The following CCDC141 variants were observed in gnomAD, a reference collection of about 807,000 sequenced individuals.
CCDC141 encodes coiled-coil domain-containing protein 141.
In CCDC141, 168 loss-of-function variants were observed where a neutral mutation model predicts 181.0. The observed-to-expected ratio is 0.93, with a 90% CI of 0.82 to 1.05. CCDC141 has a LOEUF of 1.05. Among genes scored for constraint, CCDC141 ranks in the 50% least tolerant of loss-of-function variants. CCDC141 has a pLI of 0.00. For missense variants in CCDC141, 1,902 were observed against 1,788.5 expected (o/e 1.06, Z -1.14); for synonymous variants, 666 against 642.3 (o/e 1.04, Z -0.56).
chr2:178,986,146 G>T (rs1327169641), intron 2 of CCDC141, among the ~76,000 whole-genome samples: 1 of 152,280 alleles, frequency 6.6e-6, no homozygotes, highest in East Asian at 1.9e-4. Context: ...TCCCTGGGAT[G>T]GAAGGCTGGT....
intron 2 of CCDC141, among the ~76,000 whole-genome samples, chr2:178,989,402 T>A (rs1265617392): frequency 1.3e-5 from 2 of 151,858 alleles, no homozygotes; most frequent in Non-Finnish European, 2.9e-5. Flanking sequence ...GAGACCAGCC[T>A]GGCCAACATG....
intron 5 of CCDC141, among the ~76,000 whole-genome samples, chr2:178,949,039 T>G (rs1007138337): frequency 5.9e-5 from 9 of 152,192 alleles, no homozygotes; most frequent in Non-Finnish European, 1.2e-4. Context: ...TTCCCACATT[T>G]TTTTTATTTG....
chr2:179,014,342 C>T (rs1307605230), intron 2 of CCDC141, among the ~76,000 whole-genome samples: 1 of 152,092 alleles, frequency 6.6e-6, no homozygotes, highest in African/African-American at 2.4e-5. Flanking sequence ...TGGAAAAACC[C>T]TTCTAGACAT....
intron 17 of CCDC141, among the ~76,000 whole-genome samples, chr2:178,857,794 A>G (rs73973171): frequency 0.11 from 16,368 of 152,214 alleles, 1,659 homozygotes; most frequent in East Asian, 0.57. Context: ...CTTTTCAATG[A>G]TAGCAAACAA....
chr2:179,020,031 C>T (rs960979276), intron 2 of CCDC141, among the ~76,000 whole-genome samples: 2 of 152,096 alleles, frequency 1.3e-5, no homozygotes, highest in African/African-American at 4.8e-5. Flanking sequence ...GCTAGGATTA[C>T]AGGCATGGAC....
At chr2:178,868,642 T>G (rs1243027358) in intron 15 of CCDC141, among the ~76,000 whole-genome samples, 1 of 128,090 alleles carries the variant, frequency 7.8e-6, no homozygotes, top group African/African-American at 2.9e-5. Flanking sequence ...AACTTGGTTT[T>G]CGCCCTCAAA....
intron 21 of CCDC141, among the ~76,000 whole-genome samples, chr2:178,847,774 C>T (rs975319565): frequency 1.4e-4 from 21 of 151,978 alleles, no homozygotes; most frequent in African/African-American, 4.8e-4. Context: ...ATCCTTAAGG[C>T]GATAGTATTA....
intron 7 of CCDC141, among the ~76,000 whole-genome samples, chr2:178,914,691 C>CTATT (rs1349399134): frequency 6.6e-6 from 1 of 152,104 alleles, no homozygotes; most frequent in Non-Finnish European, 1.5e-5. Flanking sequence ...TTGTTCTCTG[C>CTATT]TATTTATTTT....
chr2:178,963,749 A>C (rs1690503518), intron 4 of CCDC141, among the ~76,000 whole-genome samples: 1 of 152,092 alleles, frequency 6.6e-6, no homozygotes, highest in Non-Finnish European at 1.5e-5. Context: ...AATTTGAAGT[A>C]GTTTATTCCA....
At chr2:178,978,702 G>T (rs1429885914) in intron 2 of CCDC141, 27 bp from the exon 3 acceptor site, 5 of 1,468,102 alleles carry the variant, frequency 3.4e-6, no homozygotes, top group Non-Finnish European at 3.6e-6. Flanking sequence ...AAGGCATAAG[G>T]CAGGGTGTTA....
chr2:178,983,888 T>A (rs962550824), intron 2 of CCDC141, among the ~76,000 whole-genome samples: 112 of 150,320 alleles, frequency 7.5e-4, no homozygotes, highest in African/African-American at 2.7e-3. Flanking sequence ...TGGAAAACAC[T>A]CTGCAGGATA....
chr2:178,991,109 C>G (rs1692033952), intron 2 of CCDC141, among the ~76,000 whole-genome samples: 1 of 152,236 alleles, frequency 6.6e-6, no homozygotes, highest in South Asian at 2.1e-4. Context: ...TAGTTTTGCC[C>G]ACGACTGTCA....
At chr2:178,981,814 T>C (rs2154381178) in intron 2 of CCDC141, among the ~76,000 whole-genome samples, 1 of 148,598 alleles carries the variant, frequency 6.7e-6, no homozygotes, top group South Asian at 2.1e-4. Flanking sequence ...GAGGAATCAA[T>C]AAAATGAAAA....
intron 2 of CCDC141, among the ~76,000 whole-genome samples, chr2:178,996,208 G>C (rs1692281440): frequency 6.6e-6 from 1 of 151,770 alleles, no homozygotes; most frequent in Admixed American, 6.6e-5. Context: ...CTTTGGAGTA[G>C]CTGGGATTAC....
intron 4 of CCDC141, among the ~76,000 whole-genome samples, chr2:178,966,527 C>T (rs1164949423): frequency 6.6e-6 from 1 of 152,132 alleles, no homozygotes; most frequent in East Asian, 1.9e-4. Context: ...AGCAGAGGGG[C>T]CTGACTGTCA....
intron 5 of CCDC141, among the ~76,000 whole-genome samples, chr2:178,955,534 T>A (rs1043852141): frequency 6.6e-6 from 1 of 152,224 alleles, no homozygotes; most frequent in Non-Finnish European, 1.5e-5. Flanking sequence ...TAAAATTAAT[T>A]GATCTATTTA....
rs1162147522 is a variant in CCDC141 at position 179,005,624 on chromosome 2, C to T, written c.226-26949G>A. Among the ~76,000 whole-genome samples, 2 of 151,932 alleles carry T rather than the reference C, an allele frequency of 1.3e-5. 1 individual carries two copies. The highest frequency in any genetic ancestry group is 3.9e-4 in the East Asian group (2 of 5,172). On this transcript the variant is annotated intron_variant, in intron 2 of 23. Transcript: ENST00000443758. The stretch of plus-strand genomic sequence containing the variant: ...CTGCTTCAATACTGTGTTTGTGTTT[C>T]TTTCTTTCTTTTCTTTTCTTTTCTT...
rs76615398 is a variant in CCDC141, at chr2:178,859,435, C to A, written c.2725-3038G>T. Reference sequence around the variant, plus strand: ...TCACACAGCTGTTTCTAACTTTAGTCAACTTGTCAACAATGGGGAATGGCG... The same window carrying A: ...TCACACAGCTGTTTCTAACTTTAGTAAACTTGTCAACAATGGGGAATGGCG... On this transcript the variant is annotated intron_variant, in intron 17 of 23. Coordinates refer to ENST00000443758, the MANE Select transcript of CCDC141 (RefSeq NM_173648.4). 2.0e-5 allele frequency among the ~76,000 whole-genome samples: 3 copies of A among 152,178 alleles called. No homozygotes were observed. The South Asian group carries it at 6.2e-4, about 32-fold the overall frequency.
intron 2 of CCDC141, among the ~76,000 whole-genome samples, chr2:179,019,830 G>A (rs539762330): frequency 6.6e-6 from 1 of 152,186 alleles, no homozygotes; most frequent in East Asian, 1.9e-4. Context: ...GCAGTGGCAT[G>A]ATTATGGCTC....
Sources: allele counts gnomAD v4.1 joint callset (sites outside exome capture counted in the v4.1 genomes callset), GRCh38; gene constraint gnomAD v4.1.1; transcripts MANE v1.5; gene names NCBI Gene and HGNC (gene_info 2026-07-23, HGNC 2026-07-21).